The following METTL22 variants were observed in gnomAD, a reference collection of about 807,000 sequenced individuals.
METTL22 encodes methyltransferase-like protein 22.
A neutral mutation model predicts 48.4 loss-of-function variants in METTL22; 51 were observed. The observed-to-expected ratio is 1.05, with a 90% CI of 0.84 to 1.33. The LOEUF (loss-of-function observed/expected upper bound fraction) is 1.33, where lower values mean the gene tolerates loss of function less well. Among genes scored for constraint, METTL22 ranks in the 40% most tolerant of loss-of-function variants. METTL22 has a pLI of 0.00. For synonymous variants in METTL22, 255 were observed against 214.1 expected (o/e 1.19, Z -1.67); for missense variants, 678 against 526.9 (o/e 1.29, Z -2.81).
chr16:8,629,770 A>C (rs529075369), intron 3 of METTL22, among the ~76,000 whole-genome samples: 14 of 152,152 alleles, frequency 9.2e-5, no homozygotes, highest in African/African-American at 3.4e-4. Flanking sequence ...CTAGGATTTG[A>C]AATCTAGGGA....
At position 8,642,476 on chromosome 16, in the gene METTL22, C is replaced by T. The variant is rs1396561018; in HGVS notation, c.921C>T (p.Asp307=). The change falls in exon 9 of 11, where the codon GAC becomes GAT. Residue 307 remains aspartate, a synonymous_variant. Coordinates refer to ENST00000381920, the MANE Select transcript of METTL22 (RefSeq NM_024109.4). The part of the protein sequence containing the change: ...ILFAAEVFYD[D]DLTDAVFKTL... ...TGCTTCCCACAGTGTTTTACGACGACGACTTGACTGATGCTGTGTTTAAAA... is the reference window on the plus strand; with the variant it reads ...TGCTTCCCACAGTGTTTTACGACGATGACTTGACTGATGCTGTGTTTAAAA... 12 of 1,614,096 alleles carry T rather than the reference C, an allele frequency of 7.4e-6. No individual in the cohort carries two copies. Among genetic ancestry groups the T allele is most frequent in the East Asian group, 2.2e-5 (1 of 44,902 alleles).
chr16:8,657,310 T>C, the METTL22 span, among the ~76,000 whole-genome samples: 1 of 152,198 alleles, frequency 6.6e-6, no homozygotes, highest in Non-Finnish European at 1.5e-5. Context: ...ACCAGGGACA[T>C]GAAGGATATT....
At chr16:8,632,264 C>G (rs1221856792) in intron 3 of METTL22, 1 of 152,202 alleles carries the variant, frequency 6.6e-6, no homozygotes, top group Admixed American at 6.5e-5. Context: ...CTTATCAATT[C>G]GCCCTGGTGT....
rs200522798 is a variant in METTL22 at position 8,628,703 on chromosome 16, C to T, written c.134-27C>T. 236 of 1,566,012 alleles carry T rather than the reference C, an allele frequency of 1.5e-4. 2 individuals carry two copies. In the Admixed American group the frequency reaches 1.8e-3, roughly 12 times the overall value. On this transcript the variant is annotated intron_variant, in intron 2 of 10. Coordinates refer to ENST00000381920, the MANE Select transcript of METTL22 (RefSeq NM_024109.4). ...AAAAAAGAAAACATCTTGGAATTCT[C>T]ATTTTGCGTTCTGTCTTGCCTTTCA...
chr16:8,653,486 G>A (rs1413580520), downstream of METTL22, among the ~76,000 whole-genome samples: 1 of 152,174 alleles, frequency 6.6e-6, no homozygotes, highest in Admixed American at 6.5e-5. Flanking sequence ...ATATTGATGG[G>A]ATGAATGGAA....
In METTL22 at chr16:8,642,122, C is replaced by G. The variant is rs778667935; in HGVS notation, c.827-5C>G. On this transcript the variant is annotated splice_polypyrimidine_tract_variant and splice_region_variant and intron_variant, in intron 7 of 10. Transcript: ENST00000381920. Reference sequence around the variant, plus strand: ...GGCACAAAGTGTGCTTTTGTTCTTTCTTAGATCCCAAGGTCCCCTTCAGTT... The same window carrying G: ...GGCACAAAGTGTGCTTTTGTTCTTTGTTAGATCCCAAGGTCCCCTTCAGTT... 2 of 1,610,862 alleles carry G rather than the reference C, an allele frequency of 1.2e-6. No homozygotes were observed. The highest frequency in any genetic ancestry group is 2.2e-5 in the East Asian group (1 of 44,868).
At chr16:8,654,174 AG>A (rs1194893844), downstream of METTL22, among the ~76,000 whole-genome samples, 2 of 152,222 alleles carry the variant, frequency 1.3e-5, no homozygotes, top group Non-Finnish European at 1.5e-5. Flanking sequence ...TAAACTAAGG[AG>A]GGAGTAGGCA....
At chr16:8,659,699 G>A in the METTL22 span, among the ~76,000 whole-genome samples, 15 of 151,234 alleles carry the variant, frequency 9.9e-5, no homozygotes, top group Non-Finnish European at 1.8e-4. Context: ...GTATACAATT[G>A]ATTAAATTGA....
chr16:8,660,804 A>G, the METTL22 span, among the ~76,000 whole-genome samples: 23 of 2,954 alleles, frequency 7.8e-3, no homozygotes, highest in East Asian at 0.071. Flanking sequence ...GAGGAGGAGG[A>G]GGAGGAGGAG....
chr16:8,625,696 G>A lies in METTL22; in HGVS notation c.31G>A (p.Asp11Asn). The stretch of plus-strand genomic sequence containing the variant: ...ACAGCTGGCTCCTGCGGCAGCCATG[G>A]ACGAGGTCACCTTTAGGAGCGACAC... MVQLAPAAAM[D>N]EVTFRSDTVL... is the part of the protein sequence containing the mutation. The change falls in exon 2 of 11, where the codon GAC (aspartate) becomes AAC (asparagine). Residue 11 changes from aspartate (D) to asparagine (N), a missense_variant. Asp to Asn is a conservative substitution (Grantham distance 23). Coordinates refer to ENST00000381920, the MANE Select transcript of METTL22 (RefSeq NM_024109.4). The A allele has an allele frequency of 6.2e-7, 1 of 1,614,140 alleles. No individual in the cohort carries two copies.
At chr16:8,657,138 G>T in the METTL22 span, among the ~76,000 whole-genome samples, 1 of 152,168 alleles carries the variant, frequency 6.6e-6, no homozygotes, top group Non-Finnish European at 1.5e-5. Flanking sequence ...CCTTCTTACA[G>T]CAAGATAAGA....
chr16:8,657,803 C>T, the METTL22 span, among the ~76,000 whole-genome samples: 2 of 126,238 alleles, frequency 1.6e-5, no homozygotes, highest in South Asian at 2.6e-4. Flanking sequence ...TGGTGTCCTT[C>T]TTTTTTCTTT....
chr16:8,656,818 T>G, the METTL22 span, among the ~76,000 whole-genome samples: 1 of 152,030 alleles, frequency 6.6e-6, no homozygotes, highest in Admixed American at 6.5e-5. Flanking sequence ...GGCTGGGAGG[T>G]CCAAGAGCTA....
chr16:8,643,530 G>A (rs778970673), intron 9 of METTL22, among the ~76,000 whole-genome samples: 2 of 152,228 alleles, frequency 1.3e-5, no homozygotes, highest in Non-Finnish European at 2.9e-5. Flanking sequence ...AGTGAGGGCA[G>A]GGGGCCCCGG....
chr16:8,633,961 T>A (rs888243675), intron 3 of METTL22, among the ~76,000 whole-genome samples: 1 of 152,256 alleles, frequency 6.6e-6, no homozygotes, highest in Non-Finnish European at 1.5e-5. Context: ...GAAGGAACTT[T>A]GCATCAGGTG....
At position 8,647,324 on chromosome 16, in the gene METTL22, C is replaced by T. The variant is rs1230861891; in HGVS notation, c.*1181C>T. ...CTGAGGTCCAAAAAGGAAAAAGTCT[C>T]CATGAGGTCAGGGACCTTGTTTGTC... On this transcript the variant is annotated 3_prime_UTR_variant, in exon 11 of 11. Coordinates refer to ENST00000381920, the MANE Select transcript of METTL22 (RefSeq NM_024109.4). 1.3e-5 allele frequency: 2 copies of T among 154,668 alleles called. No homozygotes were observed. Among genetic ancestry groups the T allele is most frequent in the African/African-American group, 4.8e-5 (2 of 41,462 alleles). 9.6% of individuals were successfully genotyped at this position (154,668 alleles called of 1,614,324 possible). A position where few individuals can be genotyped will look rare whatever the true frequency, so the allele number is the denominator to read the frequency against.
At chr16:8,660,366 TG>T in the METTL22 span, among the ~76,000 whole-genome samples, 76 of 151,168 alleles carry the variant, frequency 5.0e-4, no homozygotes, top group African/African-American at 1.8e-3. Context: ...TTAGTAGAGA[TG>T]GGGGTTTCAC....
At position 8,644,616 on chromosome 16, in the gene METTL22, C is replaced by G. The variant is rs751018489; in HGVS notation, c.1070C>G (p.Ser357Cys). 3.1e-6 allele frequency: 5 copies of G among 1,605,084 alleles called. No individual in the cohort carries two copies. In the African/African-American group the frequency reaches 5.4e-5, roughly 17 times the overall value. Residue 357 changes from serine (S) to cysteine (C), a missense_variant, in exon 10 of 11, where the codon TCC (serine) becomes TGC (cysteine). By Grantham distance (112) the Ser-to-Cys change is moderately radical (BLOSUM62 -1). Coordinates refer to ENST00000381920, the MANE Select transcript of METTL22 (RefSeq NM_024109.4). ...TGTGAAGCCTACGATCACTTCCGCT[C>G]CTGCCTGCACGCGCTGGAGCAGCTC... ...VTCEAYDHFRSCLHALEQLAD... is the reference protein window; with the variant it reads ...VTCEAYDHFRCCLHALEQLAD...
chr16:8,633,099 G>A (rs544934504), intron 3 of METTL22, among the ~76,000 whole-genome samples: 53 of 152,234 alleles, frequency 3.5e-4, no homozygotes, highest in African/African-American at 1.3e-3. Flanking sequence ...TGGGACTGGG[G>A]AAGAGGAACT....
Sources: allele counts gnomAD v4.1 joint callset (sites outside exome capture counted in the v4.1 genomes callset), GRCh38; gene constraint gnomAD v4.1.1; transcripts MANE v1.5; gene names NCBI Gene and HGNC (gene_info 2026-07-23, HGNC 2026-07-21).